Variants in MAPDA observed in about 807,000 individuals in gnomAD.
The protein encoded by MAPDA is N6,N6-dimethyl-AMP deaminase.
the MAPDA span, among the ~76,000 whole-genome samples, chr15:43,344,938 T>C: frequency 1.3e-5 from 2 of 152,306 alleles, no homozygotes; most frequent in African/African-American, 4.8e-5. Flanking sequence ...ATTTCTAATT[T>C]TGTAACCCCC....
chr15:43,351,088 T>G, the MAPDA span: 1 of 1,497,788 alleles, frequency 6.7e-7, no homozygotes, highest in Non-Finnish European at 9.1e-7. Context: ...GCTCCCTGAG[T>G]TGCATTAATT....
At chr15:43,345,445 A>G in the MAPDA span, among the ~76,000 whole-genome samples, 1 of 152,156 alleles carries the variant, frequency 6.6e-6, no homozygotes, top group Non-Finnish European at 1.5e-5. Context: ...AGGACAAACA[A>G]CTTGGTTTCT....
the MAPDA span, among the ~76,000 whole-genome samples, chr15:43,347,465 A>G: frequency 6.6e-6 from 1 of 152,178 alleles, no homozygotes; most frequent in Non-Finnish European, 1.5e-5. Context: ...ACCTGATTGT[A>G]TCACATCCAC....
At chr15:43,332,813 T>C in the MAPDA span, among the ~76,000 whole-genome samples, 1 of 152,196 alleles carries the variant, frequency 6.6e-6, no homozygotes, top group African/African-American at 2.4e-5. Context: ...GGATACTTGC[T>C]TCTGGCCCTG....
At chr15:43,350,744 G>A in the MAPDA span, among the ~76,000 whole-genome samples, 1 of 152,150 alleles carries the variant, frequency 6.6e-6, no homozygotes, top group East Asian at 1.9e-4. Context: ...GTTGCCATAA[G>A]TTGCACCACA....
the MAPDA span, among the ~76,000 whole-genome samples, chr15:43,347,779 T>C: frequency 6.6e-6 from 1 of 152,224 alleles, no homozygotes; most frequent in East Asian, 1.9e-4. Context: ...GGGTAATGTA[T>C]AAAGGTTGAG....
chr15:43,348,714 A>G, the MAPDA span, among the ~76,000 whole-genome samples: 2 of 152,210 alleles, frequency 1.3e-5, no homozygotes, highest in Admixed American at 1.3e-4. Context: ...TATCATTGAA[A>G]TGAATCTAGA....
the MAPDA span, among the ~76,000 whole-genome samples, chr15:43,339,936 T>C: frequency 6.6e-6 from 1 of 152,240 alleles, no homozygotes; most frequent in Non-Finnish European, 1.5e-5. Flanking sequence ...GGTTTTAGTT[T>C]TGCACCATTT....
the MAPDA span, chr15:43,347,130 A>G: frequency 6.5e-7 from 1 of 1,546,372 alleles, no homozygotes; most frequent in Non-Finnish European, 8.9e-7. Flanking sequence ...GAAGGGACAG[A>G]TTGTAATAGA....
chr15:43,349,191 T>C, the MAPDA span: 3 of 1,442,168 alleles, frequency 2.1e-6, no homozygotes, highest in Admixed American at 3.0e-5. Context: ...TTCTGAGCCT[T>C]ATTTAAAACA....
the MAPDA span, among the ~76,000 whole-genome samples, chr15:43,338,562 C>A: frequency 6.6e-6 from 1 of 152,200 alleles, no homozygotes; most frequent in East Asian, 1.9e-4. Flanking sequence ...ATGCTCTTTC[C>A]CATTCAAGCT....
the MAPDA span, chr15:43,336,555 A>G: frequency 8.0e-7 from 1 of 1,246,998 alleles, no homozygotes; most frequent in Non-Finnish European, 1.1e-6. Flanking sequence ...ATTAGCCTAA[A>G]ATTTAATTCA....
At chr15:43,349,495 C>A in the MAPDA span, 4 of 339,014 alleles carry the variant, frequency 1.2e-5, no homozygotes, top group African/African-American at 6.7e-5. Context: ...TCATTGCTGT[C>A]GATAGAGCAG....
At chr15:43,351,349 C>T in the MAPDA span, 1 of 328,342 alleles carries the variant, frequency 3.0e-6, no homozygotes, top group South Asian at 5.0e-5. Flanking sequence ...AAAAAAGGGA[C>T]TGGGACATGA....
chr15:43,354,217 A>G, the MAPDA span: 1 of 152,214 alleles, frequency 6.6e-6, no homozygotes, highest in Non-Finnish European at 1.5e-5. Flanking sequence ...GTGAGAGCAG[A>G]GGAAAAAAGT....
At chr15:43,351,216 C>A in the MAPDA span, 2 of 585,636 alleles carry the variant, frequency 3.4e-6, no homozygotes, top group Non-Finnish European at 6.0e-6. Flanking sequence ...ATCCCAGCTA[C>A]TCGGGAGACT....
At chr15:43,334,633 T>TATATATATATATATATATATATA in the MAPDA span, among the ~76,000 whole-genome samples, 2 of 65,170 alleles carry the variant, frequency 3.1e-5, no homozygotes, top group Non-Finnish European at 9.3e-5. Flanking sequence ...CTCAAAAAAA[T>TATATATATATATATATATATATA]TATATATATA....
At chr15:43,347,537 A>C in the MAPDA span, among the ~76,000 whole-genome samples, 1 of 152,192 alleles carries the variant, frequency 6.6e-6, no homozygotes, top group Non-Finnish European at 1.5e-5. Context: ...AGTGCCCCTC[A>C]TCAGCCCCAA....
the MAPDA span, among the ~76,000 whole-genome samples, chr15:43,339,690 A>T: frequency 2.0e-5 from 3 of 152,226 alleles, no homozygotes; most frequent in Admixed American, 6.5e-5. Flanking sequence ...TGAGATTTGC[A>T]CTAAATTGGA....
Sources: allele counts gnomAD v4.1 joint callset (sites outside exome capture counted in the v4.1 genomes callset), GRCh38; gene constraint gnomAD v4.1.1; transcripts MANE v1.5; gene names NCBI Gene and HGNC (gene_info 2026-07-23, HGNC 2026-07-21).